Variants in CFAP70 observed in about 807,000 individuals in gnomAD.
The protein encoded by CFAP70 is cilia and flagella associated protein 70.
A neutral mutation model predicts 137.6 loss-of-function variants in CFAP70; 81 were observed. The observed-to-expected ratio is 0.59, with a 90% confidence interval of 0.49 to 0.71. CFAP70 has a LOEUF of 0.71. Among genes scored for constraint, CFAP70 ranks in the 30% least tolerant of loss-of-function variants. The pLI, the probability that CFAP70 is intolerant of heterozygous loss-of-function variation, is 0.00. For missense variants in CFAP70, 976 were observed against 1,226.7 expected (o/e 0.80, Z 3.05); for synonymous variants, 382 against 423.6 (o/e 0.90, Z 1.20).
chr10:73,311,729 G>C (rs1337676616), intron 11 of CFAP70, 105 bp downstream of exon 12: 2 of 932,124 alleles, frequency 2.1e-6, no homozygotes, highest in Admixed American at 4.0e-5. Context: ...GGCAAATATG[G>C]AATGATAACT....
intron 25 of CFAP70, among the ~76,000 whole-genome samples, chr10:73,265,000 G>T (rs759475293): frequency 1.1e-4 from 16 of 152,044 alleles, no homozygotes; most frequent in Admixed American, 2.0e-4. Flanking sequence ...CATTAATCTC[G>T]GTTTATCCTT....
rs1223070848 is a variant in CFAP70 at position 73,273,141 on chromosome 10, T to C, written c.2836-124A>G. 3.9e-6 allele frequency: 3 copies of C among 776,092 alleles called. No individual in the cohort carries two copies. The African/African-American group carries it at 5.2e-5, about 13-fold the overall frequency. 48.1% of individuals were successfully genotyped at this position (776,092 alleles called of 1,614,324 possible). ...ATCTAAGTTAAGCAAGTCCTTTAAT[T>C]GTACTTTGACGTCTACCTTAAGGGA... On this transcript the variant is annotated intron_variant, in intron 23 of 26. Transcript: ENST00000310715.
At chr10:73,316,481 G>GATATATATATATATATATAT (rs1253458738) in intron 9 of CFAP70, among the ~76,000 whole-genome samples, 5 of 106,546 alleles carry the variant, frequency 4.7e-5, no homozygotes, top group African/African-American at 1.1e-4. Context: ...TATATATATA[G>GATATATATATATATATATAT]ATATAGATAT....
At chr10:73,319,103 A>G (rs2050643778) in intron 9 of CFAP70, among the ~76,000 whole-genome samples, 1 of 152,262 alleles carries the variant, frequency 6.6e-6, no homozygotes, top group Non-Finnish European at 1.5e-5. Flanking sequence ...AGAAGGTAAT[A>G]GTAGCCTAAA....
At chr10:73,316,483 T>TAGATATATATATATATATATAG (rs1554903281) in intron 9 of CFAP70, among the ~76,000 whole-genome samples, 1 of 111,844 alleles carries the variant, frequency 8.9e-6, no homozygotes, top group African/African-American at 3.7e-5. Context: ...TATATATAGA[T>TAGATATATATATATATATATAG]ATAGATATAT....
At position 73,275,595 on chromosome 10, in the gene CFAP70, C is replaced by T. The variant is rs766635803; in HGVS notation, c.2524G>A (p.Val842Met). The T allele has an allele frequency of 6.3e-7, 1 of 1,577,690 alleles. No individual in the cohort carries two copies. Among genetic ancestry groups the T allele is most frequent in the Non-Finnish European group, 8.6e-7 (1 of 1,165,434 alleles). The change falls in exon 22 of 27, where the codon GTG becomes ATG. Residue 842 changes from valine to methionine, a missense_variant. By Grantham distance (21) the Val-to-Met change is conservative. Coordinates refer to ENST00000310715, the Ensembl canonical transcript of CFAP70. The surrounding 1 kb of genome is among the most constrained non-coding windows in gnomAD (Gnocchi z 4.0). Reference sequence around the variant, plus strand: ...AGCTCATGTGCAAGCACTCTGTGCACATACTGCAAGGATAATCAGATTATA... The same window carrying T: ...AGCTCATGTGCAAGCACTCTGTGCATATACTGCAAGGATAATCAGATTATA...
chr10:73,348,250 C>T lies in CFAP70; in HGVS notation c.349+173G>A. On this transcript the variant is annotated intron_variant, in intron 4 of 26. Transcript: ENST00000310715. ...TGAACTCTGTCCTGCAAAAAGAAGC[C>T]CAAGTTGAGCCAAAGAAGAAAGGGT... 2 of 1,613,750 alleles carry T rather than the reference C, an allele frequency of 1.2e-6. No homozygotes were observed. The highest frequency in any genetic ancestry group is 1.7e-6 in the Non-Finnish European group (2 of 1,179,776).
intron 10 of CFAP70, 64 bp downstream of exon 11, chr10:73,312,408 AG>A (rs2132101712): frequency 8.3e-7 from 1 of 1,204,718 alleles, no homozygotes; most frequent in East Asian, 2.5e-5. Flanking sequence ...TCACCAAGTG[AG>A]AAATCAGTGA....
intron 24 of CFAP70, among the ~76,000 whole-genome samples, chr10:73,270,522 T>C (rs1213249091): frequency 4.6e-3 from 5 of 1,090 alleles, no homozygotes; most frequent in Non-Finnish European, 6.5e-3. Flanking sequence ...TCCCCTCCCC[T>C]CCCCCTCCCC....
chr10:73,276,257 CTTTT>C (rs1296373826), intron 21 of CFAP70: 2 of 152,088 alleles, frequency 1.3e-5, no homozygotes, highest in South Asian at 4.1e-4. Flanking sequence ...CAAATCTTTG[CTTTT>C]TACACTTTAT....
intron 12 of CFAP70, among the ~76,000 whole-genome samples, chr10:73,303,982 G>T (rs1041421204): frequency 1.3e-5 from 2 of 151,902 alleles, no homozygotes; most frequent in African/African-American, 4.8e-5. Flanking sequence ...TATTTAATGC[G>T]GCCTTCCTTT....
intron 26 of CFAP70, among the ~76,000 whole-genome samples, chr10:73,256,107 A>G (rs1462326994): frequency 6.6e-6 from 1 of 152,240 alleles, no homozygotes; most frequent in Non-Finnish European, 1.5e-5. Flanking sequence ...AACCAGAATC[A>G]TAATTCAGGT....
chr10:73,265,313 T>A (rs965337537), intron 25 of CFAP70, among the ~76,000 whole-genome samples: 3 of 141,576 alleles, frequency 2.1e-5, no homozygotes, highest in African/African-American at 8.0e-5. Flanking sequence ...ACAGAGAGAC[T>A]CCATCTCAAA....
intron 12 of CFAP70, among the ~76,000 whole-genome samples, chr10:73,308,159 AG>A (rs1294263889): frequency 6.6e-5 from 10 of 152,022 alleles, no homozygotes; most frequent in Admixed American, 2.0e-4. Context: ...TATCTAAAAA[AG>A]AAAGAAAGAA....
At chr10:73,263,125 AG>A (rs2045427900) in intron 25 of CFAP70, among the ~76,000 whole-genome samples, 1 of 152,200 alleles carries the variant, frequency 6.6e-6, no homozygotes, top group Non-Finnish European at 1.5e-5. Flanking sequence ...TATTTGAGAC[AG>A]GATCTTGCTG....
In CFAP70 at chr10:73,307,867, G is replaced by T. The variant is rs184155109; in HGVS notation, c.1256+2291C>A. On this transcript the variant is annotated intron_variant, in intron 12 of 26. Coordinates refer to ENST00000310715, the Ensembl canonical transcript of CFAP70. ...AGTAAAAAAATAAAGGATTTGGGCC[G>T]GGCATGGTGGTTCATGCCTGTAATC... Among the ~76,000 whole-genome samples, 3 of 151,238 alleles carry T rather than the reference G, an allele frequency of 2.0e-5. No individual in the cohort carries two copies. The East Asian group carries it at 5.9e-4, about 30-fold the overall frequency.
At chr10:73,346,667 A>G (rs951429938) in intron 4 of CFAP70, among the ~76,000 whole-genome samples, 2 of 152,132 alleles carry the variant, frequency 1.3e-5, no homozygotes, top group Non-Finnish European at 2.9e-5. Context: ...ATGTGTATTG[A>G]ATGCTAGGCA....
rs531299502 is a variant in CFAP70, at chr10:73,339,298, TTTC to T, written c.582+2098_582+2100del. On this transcript the variant is annotated intron_variant, in intron 6 of 26. Coordinates refer to ENST00000310715, the Ensembl canonical transcript of CFAP70. Reference sequence around the variant, plus strand: ...CCTTTCACAATTTCCAAGGAAACCTTTTCTTTACTTTTCTAAATGCTTCTGTCT... The same window carrying T: ...CCTTTCACAATTTCCAAGGAAACCTTTTTACTTTTCTAAATGCTTCTGTCT... Among the ~76,000 whole-genome samples, 354 of 152,282 alleles carry T rather than the reference TTTC, an allele frequency of 2.3e-3. 4 individuals are homozygous for T. Among genetic ancestry groups the T allele is most frequent in the East Asian group, 2.1e-3 (11 of 5,192 alleles).
intron 21 of CFAP70, chr10:73,276,619 A>T (rs181112707): frequency 5.9e-5 from 9 of 152,310 alleles, no homozygotes; most frequent in African/African-American, 2.2e-4. Context: ...TAGGGCATGC[A>T]CTTGGCAGGA....
Sources: allele counts gnomAD v4.1 joint callset (sites outside exome capture counted in the v4.1 genomes callset), GRCh38; gene constraint gnomAD v4.1.1; non-coding constraint Gnocchi (gnomAD v3.1); transcripts MANE v1.5; gene names NCBI Gene and HGNC (gene_info 2026-07-23, HGNC 2026-07-21).